CD2AP: variants seen among roughly 807,000 people sequenced by gnomAD.
CD2AP encodes CD2 associated protein, also known as CD2-associated protein.
A neutral mutation model predicts 85.1 loss-of-function variants in CD2AP; 46 were observed. The ratio of observed to expected loss-of-function variants is 0.54; its 90% confidence interval spans 0.43 to 0.69. CD2AP has a LOEUF of 0.69. Among genes scored for constraint, CD2AP ranks in the 30% least tolerant of loss-of-function variants. The pLI, the probability that CD2AP is intolerant of heterozygous loss-of-function variation, is 0.00. For synonymous variants in CD2AP, 255 were observed against 252.9 expected (o/e 1.01, Z -0.08); for missense variants, 769 against 729.5 (o/e 1.05, Z -0.62).
intron 1 of CD2AP, among the ~76,000 whole-genome samples, chr6:47,479,194 C>A (rs1224592881): frequency 6.6e-6 from 1 of 152,158 alleles, no homozygotes; most frequent in Non-Finnish European, 1.5e-5. Flanking sequence ...AGAGTAAACC[C>A]AAGTTTGATT....
At chr6:47,530,244 T>C (rs1259595990) in intron 2 of CD2AP, among the ~76,000 whole-genome samples, 1 of 152,208 alleles carries the variant, frequency 6.6e-6, no homozygotes, top group African/African-American at 2.4e-5. Flanking sequence ...ATGGCATCCA[T>C]TTAAAATGTA....
intron 11 of CD2AP, among the ~76,000 whole-genome samples, chr6:47,593,033 C>T (rs1362179436): frequency 3.3e-5 from 5 of 151,964 alleles, no homozygotes; most frequent in African/African-American, 1.2e-4. Flanking sequence ...TGGGTCTGAG[C>T]CTTTAACTTG....
At chr6:47,575,850 C>T (rs75641421) in intron 6 of CD2AP, among the ~76,000 whole-genome samples, 8 of 150,936 alleles carry the variant, frequency 5.3e-5, no homozygotes, top group Middle Eastern at 3.4e-3. Flanking sequence ...GTTTTTTTTT[C>T]TCCTCTTTCA....
chr6:47,494,236 C>T (rs1765799809), intron 1 of CD2AP, among the ~76,000 whole-genome samples: 1 of 152,194 alleles, frequency 6.6e-6, no homozygotes, highest in East Asian at 1.9e-4. Flanking sequence ...AATATTTGCT[C>T]TAGCTGTAGG....
intron 3 of CD2AP, among the ~76,000 whole-genome samples, chr6:47,543,198 A>G (rs555991907): frequency 6.6e-6 from 1 of 151,652 alleles, no homozygotes; most frequent in Admixed American, 6.6e-5. Flanking sequence ...AAAAAAAGAA[A>G]AAGAAAGCTA....
At chr6:47,509,967 A>G (rs1268812082) in intron 2 of CD2AP, among the ~76,000 whole-genome samples, 1 of 152,230 alleles carries the variant, frequency 6.6e-6, no homozygotes, top group Non-Finnish European at 1.5e-5. Flanking sequence ...TATTTCTACT[A>G]TTAGGAATGA....
At chr6:47,560,930 A>G (rs1171224493) in intron 5 of CD2AP, among the ~76,000 whole-genome samples, 3 of 151,984 alleles carry the variant, frequency 2.0e-5, no homozygotes, top group Non-Finnish European at 2.9e-5. Flanking sequence ...CATCCCTTCT[A>G]TGTGTATTAC....
Position 47,530,893 on chromosome 6 carries a change from A to G in CD2AP, c.166-2709A>G, listed in dbSNP as rs375390730. Among the ~76,000 whole-genome samples the G allele has an allele frequency of 5.9e-5, 9 of 152,208 alleles. No homozygotes were observed. The South Asian group carries it at 1.9e-3, about 32-fold the overall frequency. ...CTTATTTAGGTTGACACTTGTGGAC[A>G]TATATTGCCAGAACTTATTTACAAG... On this transcript the variant is annotated intron_variant, in intron 2 of 17. Transcript: ENST00000359314.
rs1768406344 is a variant in CD2AP, at chr6:47,579,370, T to C, written c.904-15T>C. On this transcript the variant is annotated splice_polypyrimidine_tract_variant and intron_variant, in intron 8 of 17. Coordinates refer to ENST00000359314, the MANE Select transcript of CD2AP (RefSeq NM_012120.3). ...AAAAGGTCTATTGTCTTAATTATTC[T>C]ATTTTGCTTTTTAGGAGACTGGAGA... is the stretch of plus-strand genomic sequence containing the variant. 1 of 1,474,268 alleles carries C rather than the reference T, an allele frequency of 6.8e-7. No individual in the cohort carries two copies. Among genetic ancestry groups the C allele is most frequent in the Non-Finnish European group, 9.5e-7 (1 of 1,052,454 alleles). The allele number at this position is 1,474,268 out of a possible 1,614,324, so 91.3% of individuals were successfully genotyped here.
intron 3 of CD2AP, among the ~76,000 whole-genome samples, chr6:47,543,132 C>A (rs1274153513): frequency 1.1e-5 from 1 of 88,976 alleles, no homozygotes; most frequent in African/African-American, 4.7e-5. Flanking sequence ...GCCTGGGCAA[C>A]AGAGCAAGAC....
chr6:47,619,316 A>G (rs548164307), intron 17 of CD2AP, among the ~76,000 whole-genome samples: 106 of 81,882 alleles, frequency 1.3e-3, no homozygotes, highest in African/African-American at 5.4e-3. Flanking sequence ...CCATGAGAAC[A>G]TACAATGTTT....
intron 12 of CD2AP, among the ~76,000 whole-genome samples, chr6:47,596,865 A>G (rs1361157627): frequency 1.3e-5 from 2 of 152,120 alleles, no homozygotes; most frequent in South Asian, 2.1e-4. Flanking sequence ...GTGGGAATTT[A>G]CATTCCTACC....
intron 5 of CD2AP, among the ~76,000 whole-genome samples, chr6:47,558,528 T>C (rs1767757154): frequency 6.6e-6 from 1 of 152,236 alleles, no homozygotes; most frequent in Non-Finnish European, 1.5e-5. Context: ...TTTTTTAGCA[T>C]GAAGCAGTGT....
intron 17 of CD2AP, among the ~76,000 whole-genome samples, chr6:47,619,926 T>C (rs1171133416): frequency 3.3e-5 from 5 of 152,216 alleles, no homozygotes; most frequent in Non-Finnish European, 7.4e-5. Context: ...TGTTTTTTCT[T>C]ACTGATTTGT....
chr6:47,487,417 G>A (rs938829229), intron 1 of CD2AP, among the ~76,000 whole-genome samples: 11 of 152,170 alleles, frequency 7.2e-5, no homozygotes, highest in African/African-American at 2.6e-4. Context: ...TTGGCCAGGC[G>A]CGGTGGCTCA....
chr6:47,626,030 T>C lies in CD2AP; in HGVS notation c.*1803T>C, dbSNP rs1769897315. ...ACCAACCTTAGGTAAAACAAAAATA[T>C]TGTAATCCTAGAAATTATCCTCCAG... is the stretch of plus-strand genomic sequence containing the variant. On this transcript the variant is annotated 3_prime_UTR_variant, in exon 18 of 18. Transcript: ENST00000359314. 2 of 151,910 alleles carry C rather than the reference T, an allele frequency of 1.3e-5. No individual in the cohort carries two copies. Among genetic ancestry groups the C allele is most frequent in the African/African-American group, 4.8e-5 (2 of 41,424 alleles). 9.4% of individuals were successfully genotyped at this position (151,910 alleles called of 1,614,324 possible).
At chr6:47,533,518 G>A (rs1766944739) in intron 2 of CD2AP, 84 bp from the exon 3 acceptor site, 4 of 1,247,964 alleles carry the variant, frequency 3.2e-6, no homozygotes, top group Non-Finnish European at 4.6e-6. Context: ...AATTACTGTA[G>A]CTATTTTTTG....
Position 47,505,022 on chromosome 6 carries a change from T to C in CD2AP, c.165+1582T>C, listed in dbSNP as rs1425561737. ...GGCTGTGGCAGTTTCTTTTTTTTTTTTTTTTTTTTTTTTTAATTTATTTTT... is the reference window on the plus strand; with the variant it reads ...GGCTGTGGCAGTTTCTTTTTTTTTTCTTTTTTTTTTTTTTAATTTATTTTT... On this transcript the variant is annotated intron_variant, in intron 2 of 17. Coordinates refer to ENST00000359314, the MANE Select transcript of CD2AP (RefSeq NM_012120.3). Among the ~76,000 whole-genome samples, 47 of 84,318 alleles carry C rather than the reference T, an allele frequency of 5.6e-4. 1 individual carries two copies. Among genetic ancestry groups the C allele is most frequent in the Middle Eastern group, 0.01 (2 of 192 alleles). 55.3% of individuals were successfully genotyped at this position (84,318 alleles called of 152,430 possible).
At chr6:47,570,278 A>G (rs74451925) in intron 5 of CD2AP, among the ~76,000 whole-genome samples, 2,378 of 152,262 alleles carry the variant, frequency 0.016, 44 homozygotes, top group African/African-American at 0.038. Flanking sequence ...CTTTTGCTAT[A>G]GAGATTTAAT....
Sources: gnomAD v4.1 joint callset for allele counts (sites outside exome capture counted in the v4.1 genomes callset) on GRCh38, gnomAD v4.1.1 for gene constraint, MANE v1.5 for transcripts, NCBI Gene and HGNC (gene_info 2026-07-23, HGNC 2026-07-21) for gene names.